Variants in EDA observed in about 807,000 individuals in gnomAD.
The protein encoded by EDA is ectodysplasin-A.
A neutral mutation model predicts 23.6 loss-of-function variants in EDA; 2 were observed. The ratio of observed to expected loss-of-function variants is 0.08; its 90% CI spans 0.03 to 0.27. EDA has a LOEUF of 0.27. EDA is among the 10% of genes least tolerant of loss of function. The pLI is 1.00. For missense variants in EDA, 229 were observed against 324.2 expected (o/e 0.71, Z 2.26); for synonymous variants, 131 against 132.0 (o/e 0.99, Z 0.05).
chrX:69,645,596 G>GTGTATATTTATATA lies in EDA; in HGVS notation c.396+28895_396+28896insATATTTATATATGT, dbSNP rs1569281300. ...TTCTCTAGTTCTTTTATATATATGT[G>GTGTATATTTATATA]TGTGTGTATATATATATATGTGTGT... is the stretch of plus-strand genomic sequence containing the variant. On this transcript the variant is annotated intron_variant, in intron 1 of 7. Transcript: ENST00000374552. Among the ~76,000 whole-genome samples, 2 of 29,540 alleles carry GTGTATATTTATATA rather than the reference G, an allele frequency of 6.8e-5. 1 individual carries two copies. The highest frequency in any genetic ancestry group is 3.9e-4 in the African/African-American group (2 of 5,120). The allele number at this position is 29,540 out of a possible 115,157, so 25.7% of individuals were successfully genotyped here. A position where few individuals can be genotyped will look rare whatever the true frequency, so the allele number is the denominator to read the frequency against.
In EDA at chrX:69,964,397, C is replaced by A. The variant is rs2019145946; in HGVS notation, c.502+7265C>A. Among the ~76,000 whole-genome samples, 4 of 111,499 alleles carry A rather than the reference C, an allele frequency of 3.6e-5. No homozygotes were observed. In the Admixed American group the frequency reaches 3.8e-4, roughly 11 times the overall value. ...GGTACTATTACTGATGAGAGCATAT[C>A]ATATCCTTCAGATGTATTAGGATAA... On this transcript the variant is annotated intron_variant, in intron 2 of 7. Coordinates refer to ENST00000374552, the MANE Select transcript of EDA (RefSeq NM_001399.5).
At chrX:69,990,095 C>A (rs943491184) in intron 2 of EDA, among the ~76,000 whole-genome samples, 1 of 109,916 alleles carries the variant, frequency 9.1e-6, no homozygotes, top group Non-Finnish European at 1.9e-5. Context: ...TCATTCAGTT[C>A]GACATATTCT....
intron 1 of EDA, among the ~76,000 whole-genome samples, chrX:69,624,731 T>C (rs1413521900): frequency 6.4e-5 from 7 of 108,998 alleles, no homozygotes; most frequent in Non-Finnish European, 1.3e-4. Context: ...TTCTCCCTCT[T>C]TGAAGGGTCC....
rs752676184 is a variant in EDA at position 70,025,077 on chromosome X, A to G, written c.526+1836A>G. On this transcript the variant is annotated intron_variant, in intron 3 of 7. Transcript: ENST00000374552. ...CAAGTGTGAGAAGCTCACTTGCCTA[A>G]CCCTTGTTGCAGAGAAGCAGAGGAC... is the stretch of plus-strand genomic sequence containing the variant. Among the ~76,000 whole-genome samples, 3 of 111,564 alleles carry G rather than the reference A, an allele frequency of 2.7e-5. No homozygotes were observed. In the East Asian group the frequency reaches 8.5e-4, roughly 32 times the overall value.
intron 1 of EDA, among the ~76,000 whole-genome samples, chrX:69,809,794 G>GA (rs2015900611): frequency 9.0e-6 from 1 of 111,320 alleles, no homozygotes; most frequent in Non-Finnish European, 1.9e-5. Context: ...GTGCATCTTG[G>GA]TAGATGTTAA....
intron 2 of EDA, among the ~76,000 whole-genome samples, chrX:69,963,726 A>G (rs1024494479): frequency 2.7e-5 from 3 of 111,877 alleles, no homozygotes; most frequent in African/African-American, 9.7e-5. Flanking sequence ...TAGAATACCA[A>G]CTGCTTGTAA....
intron 1 of EDA, among the ~76,000 whole-genome samples, chrX:69,882,242 A>T (rs2017759167): frequency 9.0e-6 from 1 of 111,714 alleles, no homozygotes; most frequent in African/African-American, 3.3e-5. Context: ...GCAGGCTAGG[A>T]TTCCATGGAG....
chrX:69,832,328 T>G (rs922849453), intron 1 of EDA, among the ~76,000 whole-genome samples: 2 of 111,800 alleles, frequency 1.8e-5, no homozygotes, highest in Non-Finnish European at 3.8e-5. Flanking sequence ...TGTCAAATTG[T>G]CAAAGATCAG....
intron 2 of EDA, among the ~76,000 whole-genome samples, chrX:70,008,839 C>A (rs1317680608): frequency 3.6e-5 from 4 of 111,705 alleles, no homozygotes; most frequent in African/African-American, 1.3e-4. Flanking sequence ...TTGAAACAGA[C>A]TGTAGGGAAT....
At chrX:69,898,125 GA>G (rs1369314762) in intron 1 of EDA, among the ~76,000 whole-genome samples, 1 of 111,858 alleles carries the variant, frequency 8.9e-6, no homozygotes, top group Non-Finnish European at 1.9e-5. Flanking sequence ...AGAGGGTCTA[GA>G]AATTTCTGAT....
chrX:69,962,968 A>G (rs191983229), intron 2 of EDA, among the ~76,000 whole-genome samples: 2 of 111,791 alleles, frequency 1.8e-5, no homozygotes, highest in Non-Finnish European at 3.8e-5. Context: ...ACCTCATCAC[A>G]GCAAATGATC....
intron 2 of EDA, among the ~76,000 whole-genome samples, chrX:70,017,741 A>G (rs183254281): frequency 1.3e-3 from 148 of 111,946 alleles, no homozygotes; most frequent in African/African-American, 4.5e-3. Flanking sequence ...CACAGCCAAC[A>G]TCATACTGAA....
intron 1 of EDA, among the ~76,000 whole-genome samples, chrX:69,785,207 T>A (rs1346004648): frequency 6.3e-5 from 6 of 95,783 alleles, no homozygotes; most frequent in Non-Finnish European, 1.3e-4. Context: ...GACAATGGGG[T>A]TTTCTAGATA....
At chrX:69,922,435 T>C (rs191476208) in intron 1 of EDA, among the ~76,000 whole-genome samples, 1 of 112,312 alleles carries the variant, frequency 8.9e-6, no homozygotes, top group African/African-American at 3.2e-5. Flanking sequence ...TGAATGAGGG[T>C]TCCTGTTACT....
At chrX:69,926,152 C>A (rs1194094557) in intron 1 of EDA, among the ~76,000 whole-genome samples, 1 of 108,347 alleles carries the variant, frequency 9.2e-6, no homozygotes, top group African/African-American at 3.4e-5. Flanking sequence ...GTGTATCTGT[C>A]CTCTTCAATT....
At chrX:69,655,762 CTATATATATATATA>C (rs3077261) in intron 1 of EDA, among the ~76,000 whole-genome samples, 1 of 52,503 alleles carries the variant, frequency 1.9e-5, no homozygotes, top group East Asian at 1.9e-3. Flanking sequence ...TCATTAGAAT[CTATATATATATATA>C]TATATATATA....
At chrX:69,623,202 A>G (rs771896930) in intron 1 of EDA, among the ~76,000 whole-genome samples, 37 of 112,312 alleles carry the variant, frequency 3.3e-4, no homozygotes, top group African/African-American at 1.2e-3. Context: ...TTCCACAAAA[A>G]AGAAACGTGC....
intron 1 of EDA, among the ~76,000 whole-genome samples, chrX:69,704,440 G>A (rs1318047202): frequency 9.0e-6 from 1 of 111,447 alleles, no homozygotes; most frequent in Non-Finnish European, 1.9e-5. Context: ...GACCTAAAGG[G>A]TCTGTTCTAT....
chrX:69,724,993 A>C (rs1387132031), intron 1 of EDA, among the ~76,000 whole-genome samples: 3 of 112,283 alleles, frequency 2.7e-5, no homozygotes, highest in Non-Finnish European at 5.6e-5. Flanking sequence ...TCTTTCCTCC[A>C]TACTAGTCAG....
Sources: gnomAD v4.1 joint callset for allele counts (sites outside exome capture counted in the v4.1 genomes callset) on GRCh38, gnomAD v4.1.1 for gene constraint, MANE v1.5 for transcripts, NCBI Gene and HGNC (gene_info 2026-07-23, HGNC 2026-07-21) for gene names.